Variants in S1PR5 observed in about 807,000 individuals in gnomAD.
S1PR5 encodes sphingosine 1-phosphate receptor 5.
For missense variants in S1PR5, 583 were observed against 571.7 expected, an observed-to-expected ratio of 1.02 and a Z score of -0.20; for synonymous variants, 307 against 284.7, an observed-to-expected ratio of 1.08 and a Z score of -0.79.
chr19:10,516,486 A>G (rs925801837), intron 1 of S1PR5, among the ~76,000 whole-genome samples: 1 of 151,778 alleles, frequency 6.6e-6, no homozygotes, highest in African/African-American at 2.4e-5. Context: ...ATGCCCCTAT[A>G]GTCCCAGCTA....
At chr19:10,515,893 CTG>C (rs1230845548) in intron 1 of S1PR5, among the ~76,000 whole-genome samples, 4 of 151,920 alleles carry the variant, frequency 2.6e-5, no homozygotes, top group Admixed American at 2.6e-4. Flanking sequence ...GATTGTGCCA[CTG>C]TACTCCAGCC....
rs1292013667 is a variant in S1PR5 at position 10,514,825 on chromosome 19, G to C, written c.187C>G (p.Arg63Gly). The C allele has an allele frequency of 2.5e-6, 4 of 1,612,994 alleles. No homozygotes were observed. In the South Asian group the frequency reaches 4.4e-5, roughly 18 times the overall value. The part of the protein sequence containing the change: ...ENLAVLLVLG[R>G]HPRFHAPMFL... Reference sequence around the variant, plus strand: ...ATGGGAGCGTGGAAGCGCGGGTGGCGTCCGAGCACCAACAACACGGCTAGA... The same window carrying C: ...ATGGGAGCGTGGAAGCGCGGGTGGCCTCCGAGCACCAACAACACGGCTAGA... Residue 63 changes from arginine (R) to glycine (G), a missense_variant, in exon 2 of 2, where the codon CGC becomes GGC. Coordinates refer to ENST00000333430, the MANE Select transcript of S1PR5 (RefSeq NM_030760.5).
chr19:10,517,304 G>T, intron 1 of S1PR5, 94 bp downstream of exon 1: 1 of 904,700 alleles, frequency 1.1e-6, no homozygotes, highest in Non-Finnish European at 1.3e-6. Context: ...AAGGAGTGGT[G>T]CGCCTTTTTA....
In S1PR5 at chr19:10,513,518, A is replaced by T; in HGVS notation, c.*297T>A. On this transcript the variant is annotated 3_prime_UTR_variant, in exon 2 of 2. Coordinates refer to ENST00000333430, the MANE Select transcript of S1PR5 (RefSeq NM_030760.5). ...GGACAGAGGTCTCAGCTCACATCAC[A>T]AGTCACTACCTCTGCAGAGAGGTCT... 1.8e-6 allele frequency: 1 copy of T among 560,746 alleles called. No homozygotes were observed. Among genetic ancestry groups the T allele is most frequent in the East Asian group, 3.2e-5 (1 of 31,570 alleles). 34.7% of individuals were successfully genotyped at this position (560,746 alleles called of 1,614,324 possible). A position where few individuals can be genotyped will look rare whatever the true frequency, so the allele number is the denominator to read the frequency against.
Position 10,514,787 on chromosome 19 carries a change from C to G in S1PR5, c.225G>C (p.Leu75=). Residue 75 remains leucine, a synonymous_variant, in exon 2 of 2, where the codon CTG becomes CTC. Coordinates refer to ENST00000333430, the MANE Select transcript of S1PR5 (RefSeq NM_030760.5). ...GCAGATCCGACAACGTGAGGCTGCC[C>G]AGGAGCAGGAACATGGGAGCGTGGA... ...PRFHAPMFLL[L]GSLTLSDLLA... 1.2e-6 allele frequency: 2 copies of G among 1,613,150 alleles called. No homozygotes were observed. Among genetic ancestry groups the G allele is most frequent in the Non-Finnish European group, 1.7e-6 (2 of 1,179,796 alleles).
chr19:10,514,531 C>T lies in S1PR5; in HGVS notation c.481G>A (p.Val161Met), dbSNP rs763498516. Residue 161 changes from valine (V) to methionine (M), a missense_variant, in exon 2 of 2, where the codon GTG becomes ATG. Coordinates refer to ENST00000333430, the MANE Select transcript of S1PR5 (RefSeq NM_030760.5). Reference sequence around the variant, plus strand: ...GGCAGGAGCCCGAGGAGCAGCGACACGCCCCAGGCCGCGGCTGCCATCGCC... The same window carrying T: ...GGCAGGAGCCCGAGGAGCAGCGACATGCCCCAGGCCGCGGCTGCCATCGCC... ...TLAMAAAAWG[V>M]SLLLGLLPAL... 3.8e-6 allele frequency: 6 copies of T among 1,585,570 alleles called. No homozygotes were observed. In the South Asian group the frequency reaches 5.7e-5, roughly 15 times the overall value.
chr19:10,516,378 G>C (rs79510108), intron 1 of S1PR5, among the ~76,000 whole-genome samples: 1,783 of 152,088 alleles, frequency 0.012, 37 homozygotes, highest in African/African-American at 0.04. Flanking sequence ...GGCCGAGGTG[G>C]GAGTATCACT....
rs777023463 is a variant in S1PR5 at position 10,514,965 on chromosome 19, A to G, written c.47T>C (p.Val16Ala). Residue 16 changes from valine to alanine, a missense_variant, in exon 2 of 2, where the codon GTC (valine) becomes GCC (alanine). Transcript: ENST00000333430. ...LRPAPVSEVI[V>A]LHYNYTGKLR... ...CTTGCCGGTGTAGTTGTAATGCAGGACGATGACCTCGCTCACCGGCGCCGG... is the reference window on the plus strand; with the variant it reads ...CTTGCCGGTGTAGTTGTAATGCAGGGCGATGACCTCGCTCACCGGCGCCGG... 6.3e-7 allele frequency: 1 copy of G among 1,593,404 alleles called. No homozygotes were observed. Among genetic ancestry groups the G allele is most frequent in the Non-Finnish European group, 8.5e-7 (1 of 1,172,304 alleles).
At chr19:10,515,854 C>T (rs1031785665) in intron 1 of S1PR5, among the ~76,000 whole-genome samples, 2 of 151,722 alleles carry the variant, frequency 1.3e-5, no homozygotes, top group Non-Finnish European at 1.5e-5. Context: ...CTTGAGCCCG[C>T]GGGGTCAAGG....
chr19:10,515,020 C>G lies in S1PR5; in HGVS notation c.-9G>C, dbSNP rs1171724703. 6.5e-7 allele frequency: 1 copy of G among 1,536,184 alleles called. No homozygotes were observed. Among genetic ancestry groups the G allele is most frequent in the Non-Finnish European group, 8.7e-7 (1 of 1,148,532 alleles). ...AGCAGCCCCGACTCCATGGGCCGCG[C>G]GCCCCAAGGCTGTTGGAGAGGCAAG... On this transcript the variant is annotated 5_prime_UTR_variant, in exon 2 of 2. Transcript: ENST00000333430.
chr19:10,516,119 A>G (rs747597147), intron 1 of S1PR5, among the ~76,000 whole-genome samples: 1 of 152,164 alleles, frequency 6.6e-6, no homozygotes, highest in Non-Finnish European at 1.5e-5. Context: ...AGAGTGACGC[A>G]GGCAGAAAAA....
At chr19:10,515,426 A>G (rs1368240220) in intron 1 of S1PR5, among the ~76,000 whole-genome samples, 1 of 152,012 alleles carries the variant, frequency 6.6e-6, no homozygotes. Flanking sequence ...CCTGGCTAAC[A>G]CGGTGAACCC....
chr19:10,514,549 C>G lies in S1PR5; in HGVS notation c.463G>C (p.Ala155Pro), dbSNP rs767720043. The change falls in exon 2 of 2, where the codon GCA becomes CCA. Residue 155 changes from alanine (A) to proline (P), a missense_variant. Ala to Pro is a conservative substitution (Grantham distance 27). Coordinates refer to ENST00000333430, the MANE Select transcript of S1PR5 (RefSeq NM_030760.5). ...VSSRGRTLAM[A>P]AAAWGVSLLL... ...AGCGACACGCCCCAGGCCGCGGCTG[C>G]CATCGCCAGCGTGCGCCCCCGACTG... 38 of 1,580,092 alleles carry G rather than the reference C, an allele frequency of 2.4e-5. No homozygotes were observed. Among genetic ancestry groups the G allele is most frequent in the Non-Finnish European group, 3.2e-5 (37 of 1,164,562 alleles).
At chr19:10,516,442 C>CA (rs747788909) in intron 1 of S1PR5, among the ~76,000 whole-genome samples, 3 of 151,592 alleles carry the variant, frequency 2.0e-5, no homozygotes, top group African/African-American at 2.4e-5. Flanking sequence ...TTCATCTCTA[C>CA]AAAAAAATTT....
At chr19:10,517,483 G>T, upstream of S1PR5, 1 of 985,622 alleles carries the variant, frequency 1.0e-6, no homozygotes, top group Non-Finnish European at 1.2e-6. Flanking sequence ...GCTGGAGCTG[G>T]CAGGCGAGGG....
chr19:10,517,716 G>C (rs1915471728), upstream of S1PR5: 1 of 985,394 alleles, frequency 1.0e-6, no homozygotes, highest in Non-Finnish European at 1.2e-6. Flanking sequence ...AGGCGGGAAA[G>C]GGAGGGTTCT....
In S1PR5 at chr19:10,512,957, AAG is replaced by A. The variant is rs1915317773; in HGVS notation, c.*856_*857del. The A allele has an allele frequency of 6.6e-6, 1 of 151,498 alleles. No individual in the cohort carries two copies. The highest frequency in any genetic ancestry group is 1.5e-5 in the Non-Finnish European group (1 of 68,002). The allele number at this position is 151,498 out of a possible 1,614,324, so 9.4% of individuals were successfully genotyped here. Reference sequence around the variant, plus strand: ...AGAAAGAAAGAAAAGAAAAATAAAAAAGAAATTTTATTACCAGATAGGATTTG... The same window carrying A: ...AGAAAGAAAGAAAAGAAAAATAAAAAAAATTTTATTACCAGATAGGATTTG... On this transcript the variant is annotated 3_prime_UTR_variant, in exon 2 of 2. Transcript: ENST00000333430.
rs1453316306 is a variant in S1PR5, at chr19:10,513,390, C to G, written c.*425G>C. On this transcript the variant is annotated 3_prime_UTR_variant, in exon 2 of 2. Coordinates refer to ENST00000333430, the MANE Select transcript of S1PR5 (RefSeq NM_030760.5). Reference sequence around the variant, plus strand: ...CCCCTCCGTCCCTGCTCCAGGCACACCAGCATCGCTGCATTTCTTAGAACA... The same window carrying G: ...CCCCTCCGTCCCTGCTCCAGGCACAGCAGCATCGCTGCATTTCTTAGAACA... The G allele has an allele frequency of 4.6e-6, 2 of 435,716 alleles. No homozygotes were observed. Among genetic ancestry groups the G allele is most frequent in the Non-Finnish European group, 8.0e-6 (2 of 249,762 alleles). The allele number at this position is 435,716 out of a possible 1,614,324, so 27.0% of individuals were successfully genotyped here. A position where few individuals can be genotyped will look rare whatever the true frequency, so the allele number is the denominator to read the frequency against.
At chr19:10,517,348 C>T (rs1263000307) in intron 1 of S1PR5, 50 bp downstream of exon 1, 3 of 983,430 alleles carry the variant, frequency 3.1e-6, no homozygotes, top group Non-Finnish European at 2.4e-6. Context: ...CGACCCCCTC[C>T]GGGTCAGGCC....
Sources: gnomAD v4.1 joint callset for allele counts (sites outside exome capture counted in the v4.1 genomes callset) on GRCh38, gnomAD v4.1.1 for gene constraint, MANE v1.5 for transcripts, NCBI Gene and HGNC (gene_info 2026-07-23, HGNC 2026-07-21) for gene names.